PDE11A: variants seen among roughly 807,000 people sequenced by gnomAD.
PDE11A encodes dual 3',5'-cyclic-AMP and -GMP phosphodiesterase 11A.
PDE11A carries 100 observed loss-of-function variants against 100.5 expected under a neutral mutation model. The observed-to-expected ratio is 1.00, with a 90% CI of 0.85 to 1.18. The LOEUF is 1.18. Among genes scored for constraint, PDE11A ranks in the 50% most tolerant of loss-of-function variants. The probability of loss-of-function intolerance (pLI) is 0.00; values close to 1 mark genes in which losing one functional copy is unlikely to be tolerated. For synonymous variants in PDE11A, 381 were observed against 420.8 expected, an observed-to-expected ratio of 0.91 and a Z score of 1.16; for missense variants, 1,141 against 1,152.6, an observed-to-expected ratio of 0.99 and a Z score of 0.15.
rs1010183921 is a variant in PDE11A at position 177,902,061 on chromosome 2, T to A, written c.1161+3037A>T. Reference sequence around the variant, plus strand: ...AAAGAGAAGAAAATCTAGGATAATATCTGTTAGGCCTCTGAGCCCAAGCTA... The same window carrying A: ...AAAGAGAAGAAAATCTAGGATAATAACTGTTAGGCCTCTGAGCCCAAGCTA... On this transcript the variant is annotated intron_variant, in intron 3 of 19. Coordinates refer to ENST00000286063, the MANE Select transcript of PDE11A (RefSeq NM_016953.4). 3.9e-5 allele frequency among the ~76,000 whole-genome samples: 6 copies of A among 152,156 alleles called. No homozygotes were observed. In the East Asian group the frequency reaches 1.2e-3, roughly 29 times the overall value.
At chr2:177,997,694 A>C in intron 2 of PDE11A, 1 of 1,553,696 alleles carries the variant, frequency 6.4e-7, no homozygotes, top group Non-Finnish European at 8.9e-7. Context: ...GCTGTTAAGA[A>C]ATCTGGAAGT....
upstream of PDE11A, chr2:178,073,144 G>T: frequency 1.2e-6 from 1 of 858,350 alleles, no homozygotes; most frequent in Non-Finnish European, 1.4e-6. Flanking sequence ...GCAGGGATCT[G>T]AACACAGAAG....
At chr2:177,725,887 A>G (rs192506611) in intron 12 of PDE11A, among the ~76,000 whole-genome samples, 3,032 of 152,272 alleles carry the variant, frequency 0.02, 43 homozygotes, top group South Asian at 0.033. Flanking sequence ...CAAAAATGTC[A>G]CAGCCATTTC....
intron 9 of PDE11A, among the ~76,000 whole-genome samples, chr2:177,777,628 C>T (rs752704754): frequency 5.3e-5 from 8 of 152,080 alleles, no homozygotes; most frequent in Non-Finnish European, 1.2e-4. Flanking sequence ...ATAATAATAC[C>T]TTTGATCAAG....
chr2:178,042,625 T>C (rs1031407914), intron 1 of PDE11A, among the ~76,000 whole-genome samples: 1 of 152,092 alleles, frequency 6.6e-6, no homozygotes, highest in African/African-American at 2.4e-5. Flanking sequence ...TGGTGGCAAA[T>C]TGAAAGATAT....
intron 2 of PDE11A, among the ~76,000 whole-genome samples, chr2:177,943,350 G>C (rs1290663357): frequency 6.6e-6 from 1 of 152,080 alleles, no homozygotes; most frequent in East Asian, 1.9e-4. Flanking sequence ...ACTTCACAAG[G>C]GTTCCAAATT....
chr2:177,845,149 C>T (rs1184882157), intron 5 of PDE11A, among the ~76,000 whole-genome samples: 6 of 148,030 alleles, frequency 4.1e-5, no homozygotes, highest in East Asian at 2.1e-4. Flanking sequence ...CCGGACGGGG[C>T]GGCTGGCCGG....
rs569564474 is a variant in PDE11A at position 178,095,911 on chromosome 2, G to A, written c.162+8391C>T. ...TTGGAACTGGAGTGGCTGGGAAGCA[G>A]GGCACCAAATCCCAAGGATGCACAG... On this transcript the variant is annotated intron_variant, in intron 2 of 20. Transcript: ENST00000358450. Among the ~76,000 whole-genome samples, 5 of 152,268 alleles carry A rather than the reference G, an allele frequency of 3.3e-5. No individual in the cohort carries two copies. The South Asian group carries it at 1.0e-3, about 32-fold the overall frequency.
intron 1 of PDE11A, among the ~76,000 whole-genome samples, chr2:178,025,613 C>G (rs1478807597): frequency 6.6e-6 from 1 of 152,060 alleles, no homozygotes; most frequent in African/African-American, 2.4e-5. Flanking sequence ...CACTTGAAAC[C>G]AAAGCGCAAC....
Position 178,028,300 on chromosome 2 carries a change from C to CAA in PDE11A, c.913-13842_913-13841dup, listed in dbSNP as rs5836640. Among the ~76,000 whole-genome samples the CAA allele has an allele frequency of 4.0e-3, 527 of 131,394 alleles. 20 individuals are homozygous for CAA. The highest frequency in any genetic ancestry group is 3.7e-3 in the Non-Finnish European group (236 of 63,576). 86.2% of individuals were successfully genotyped at this position (131,394 alleles called of 152,430 possible). On this transcript the variant is annotated intron_variant, in intron 1 of 19. Transcript: ENST00000286063. ...GAAGTTATATAGTCACATGTTCCATCAAAAAAAAAAAAAAAAAATGGGGAC... is the reference window on the plus strand; with the variant it reads ...GAAGTTATATAGTCACATGTTCCATCAAAAAAAAAAAAAAAAAAAATGGGGAC...
At chr2:178,043,500 G>A (rs759983350) in intron 1 of PDE11A, among the ~76,000 whole-genome samples, 11 of 152,094 alleles carry the variant, frequency 7.2e-5, no homozygotes, top group Middle Eastern at 3.2e-3. Flanking sequence ...GTAGACAAGC[G>A]GAGACATAAG....
At chr2:178,095,930 TGCACAGA>T (rs900827497) in intron 2 of PDE11A, among the ~76,000 whole-genome samples, 1 of 152,168 alleles carries the variant, frequency 6.6e-6, no homozygotes, top group African/African-American at 2.4e-5. Context: ...ATCCCAAGGA[TGCACAGA>T]GCACAGAGCA....
intron 10 of PDE11A, among the ~76,000 whole-genome samples, chr2:177,747,266 C>T (rs1229395256): frequency 6.6e-6 from 1 of 152,182 alleles, no homozygotes; most frequent in African/African-American, 2.4e-5. Context: ...GAAATACAGC[C>T]AGCGTTCCCT....
intron 3 of PDE11A, among the ~76,000 whole-genome samples, chr2:177,901,420 T>G (rs1268121056): frequency 1.3e-5 from 2 of 152,190 alleles, no homozygotes; most frequent in Non-Finnish European, 2.9e-5. Context: ...AAAACTCCGG[T>G]GTCTGGCACA....
intron 2 of PDE11A, among the ~76,000 whole-genome samples, chr2:177,995,459 G>A (rs974209955): frequency 1.3e-5 from 2 of 152,000 alleles, no homozygotes; most frequent in African/African-American, 2.4e-5. Flanking sequence ...CACCTGCTTT[G>A]GAATCACAAA....
At chr2:177,889,009 A>T (rs1446090096) in intron 4 of PDE11A, among the ~76,000 whole-genome samples, 3 of 152,128 alleles carry the variant, frequency 2.0e-5, no homozygotes, top group Non-Finnish European at 2.9e-5. Flanking sequence ...TACCCATCTT[A>T]CTTATCCCAA....
rs1365541093 is a variant in PDE11A at position 177,659,534 on chromosome 2, AT to A, written c.2646+4331del. ...TGGGATGAGCTAAAAATCAGATTACATTCATAATAAAAATGGAATCTCTCAG... is the reference window on the plus strand; with the variant it reads ...TGGGATGAGCTAAAAATCAGATTACATCATAATAAAAATGGAATCTCTCAG... On this transcript the variant is annotated intron_variant, in intron 19 of 19. Transcript: ENST00000286063. 2.6e-5 allele frequency among the ~76,000 whole-genome samples: 4 copies of A among 152,304 alleles called. No homozygotes were observed. The East Asian group carries it at 7.7e-4, about 29-fold the overall frequency.
chr2:177,854,851 G>A (rs559889300), intron 5 of PDE11A, among the ~76,000 whole-genome samples: 1 of 152,162 alleles, frequency 6.6e-6, no homozygotes, highest in South Asian at 2.1e-4. Flanking sequence ...AGCCTCTAAG[G>A]TTATCTGGAT....
At chr2:178,038,926 C>G (rs1325583917) in intron 1 of PDE11A, 1 of 152,276 alleles carries the variant, frequency 6.6e-6, no homozygotes, top group Middle Eastern at 3.4e-3. Flanking sequence ...AGCACATATA[C>G]TAAAATTGGC....
Sources: gnomAD v4.1 joint callset for allele counts (sites outside exome capture counted in the v4.1 genomes callset) on GRCh38, gnomAD v4.1.1 for gene constraint, MANE v1.5 for transcripts, NCBI Gene and HGNC (gene_info 2026-07-23, HGNC 2026-07-21) for gene names.